IQCM: variants seen among roughly 807,000 people sequenced by gnomAD.
IQCM encodes the protein IQ domain-containing protein M.
IQCM carries 45 observed loss-of-function variants against 57.6 expected under a neutral mutation model. The observed-to-expected ratio is 0.78, with a 90% CI of 0.62 to 1.00. The LOEUF (loss-of-function observed/expected upper bound fraction) is 1.00, where lower values mean the gene tolerates loss of function less well. Among genes scored for constraint, IQCM ranks in the 50% least tolerant of loss-of-function variants. The pLI is 0.00. For synonymous variants in IQCM, 148 were observed against 158.9 expected (o/e 0.93, Z 0.51); for missense variants, 468 against 511.6 (o/e 0.91, Z 0.82).
intron 2 of IQCM, among the ~76,000 whole-genome samples, chr4:149,749,138 A>G (rs1487490191): frequency 2.6e-5 from 4 of 152,228 alleles, no homozygotes; most frequent in African/African-American, 9.6e-5. Context: ...GGTAGTCTTC[A>G]GGAAACCATT....
At chr4:149,704,114 T>C (rs1763978138) in intron 5 of IQCM, among the ~76,000 whole-genome samples, 1 of 151,980 alleles carries the variant, frequency 6.6e-6, no homozygotes, top group Non-Finnish European at 1.5e-5. Flanking sequence ...TAATTTATCT[T>C]ATTGCTTGTC....
chr4:149,795,787 C>T (rs922243477), intron 2 of IQCM, among the ~76,000 whole-genome samples: 1 of 152,140 alleles, frequency 6.6e-6, no homozygotes, highest in East Asian at 1.9e-4. Flanking sequence ...CTTTCCAAGC[C>T]CTAGCTCCTG....
At chr4:149,384,922 A>T (rs1731315291) in intron 13 of IQCM, among the ~76,000 whole-genome samples, 1 of 152,094 alleles carries the variant, frequency 6.6e-6, no homozygotes, top group African/African-American at 2.4e-5. Context: ...TGTGTTTGTA[A>T]TTCAGCTATT....
At chr4:149,389,843 A>G (rs577995629) in intron 13 of IQCM, among the ~76,000 whole-genome samples, 26 of 152,112 alleles carry the variant, frequency 1.7e-4, no homozygotes, top group Middle Eastern at 3.4e-3. Flanking sequence ...GTACCCTAAA[A>G]CTTAAAGTAT....
intron 12 of IQCM, among the ~76,000 whole-genome samples, chr4:149,497,259 G>A (rs1283785610): frequency 2.6e-5 from 4 of 152,028 alleles, no homozygotes; most frequent in South Asian, 4.1e-4. Context: ...GGTCTCTCAG[G>A]ACAAATAATA....
chr4:149,360,893 G>A (rs539498322), intron 13 of IQCM, among the ~76,000 whole-genome samples: 5 of 152,306 alleles, frequency 3.3e-5, no homozygotes, highest in South Asian at 2.1e-4. Flanking sequence ...TGTGTAACAC[G>A]CAGAAGTTGG....
At chr4:149,425,507 C>G (rs540186465) in intron 13 of IQCM, among the ~76,000 whole-genome samples, 1 of 152,102 alleles carries the variant, frequency 6.6e-6, no homozygotes, top group South Asian at 2.1e-4. Context: ...GTCCAAGAAC[C>G]AGGAGCACTG....
intron 12 of IQCM, among the ~76,000 whole-genome samples, chr4:149,490,469 T>C (rs1741979897): frequency 6.6e-6 from 1 of 152,062 alleles, no homozygotes; most frequent in Non-Finnish European, 1.5e-5. Context: ...ATTTCTAAGA[T>C]AGAACTTCCT....
chr4:149,603,984 G>A (rs966060216), intron 8 of IQCM, among the ~76,000 whole-genome samples: 1 of 151,842 alleles, frequency 6.6e-6, no homozygotes, highest in African/African-American at 2.4e-5. Flanking sequence ...GTTATTATTA[G>A]TACTACTGCT....
Position 149,354,090 on chromosome 4 carries a change from C to T in IQCM, c.1391-2024G>A, listed in dbSNP as rs1019558753. The stretch of plus-strand genomic sequence containing the variant: ...TTTTAAAACTGACAAATTGGCCAGG[C>T]GCGGTGGCTCACGCCTGTAATCCCA... On this transcript the variant is annotated intron_variant, in intron 13 of 13. Coordinates refer to ENST00000636793, the MANE Select transcript of IQCM (RefSeq NM_001363507.2). Among the ~76,000 whole-genome samples the T allele has an allele frequency of 4.0e-5, 6 of 151,858 alleles. No individual in the cohort carries two copies. In the East Asian group the frequency reaches 5.8e-4, roughly 15 times the overall value.
chr4:149,500,741 G>T (rs1743154612), intron 12 of IQCM, among the ~76,000 whole-genome samples: 1 of 152,104 alleles, frequency 6.6e-6, no homozygotes, highest in Non-Finnish European at 1.5e-5. Context: ...TCCACCTAGG[G>T]TCAGTAAGAA....
intron 13 of IQCM, among the ~76,000 whole-genome samples, chr4:149,376,578 A>C (rs551933384): frequency 6.6e-6 from 1 of 152,294 alleles, no homozygotes; most frequent in South Asian, 2.1e-4. Context: ...GACAATGTGC[A>C]GTGACAGATG....
At chr4:149,654,449 C>T (rs906559958) in intron 7 of IQCM, among the ~76,000 whole-genome samples, 2 of 152,138 alleles carry the variant, frequency 1.3e-5, no homozygotes, top group Non-Finnish European at 2.9e-5. Flanking sequence ...CCCCACCACT[C>T]TCTGTTGCCC....
chr4:149,540,927 G>C (rs1747789639), intron 12 of IQCM, among the ~76,000 whole-genome samples: 1 of 151,976 alleles, frequency 6.6e-6, no homozygotes, highest in Non-Finnish European at 1.5e-5. Flanking sequence ...TTAAAATAAG[G>C]CTACTCTAAC....
At chr4:149,516,701 C>T (rs530509758) in intron 12 of IQCM, among the ~76,000 whole-genome samples, 1 of 152,146 alleles carries the variant, frequency 6.6e-6, no homozygotes, top group Non-Finnish European at 1.5e-5. Flanking sequence ...TCACCATCAC[C>T]CCTAGTGATT....
chr4:149,405,615 A>G (rs1732921295), intron 13 of IQCM, among the ~76,000 whole-genome samples: 1 of 151,916 alleles, frequency 6.6e-6, no homozygotes, highest in Non-Finnish European at 1.5e-5. Flanking sequence ...GGGATAGAAA[A>G]TAAAATTTGA....
intron 10 of IQCM, among the ~76,000 whole-genome samples, chr4:149,554,352 T>G (rs1749331652): frequency 6.6e-6 from 1 of 152,158 alleles, no homozygotes; most frequent in Non-Finnish European, 1.5e-5. Context: ...CATCCTTTTT[T>G]TTTTTCTTGA....
chr4:149,547,096 G>A (rs1416118856), intron 12 of IQCM, among the ~76,000 whole-genome samples: 6 of 151,676 alleles, frequency 4.0e-5, no homozygotes, highest in Non-Finnish European at 5.9e-5. Context: ...CCCATTTCTT[G>A]TTTTTGTCAG....
At chr4:149,800,610 GA>G (rs1773516215) in intron 2 of IQCM, among the ~76,000 whole-genome samples, 1 of 151,774 alleles carries the variant, frequency 6.6e-6, no homozygotes, top group African/African-American at 2.4e-5. Flanking sequence ...AGACTCCACT[GA>G]AAAACTATTC....
Sources: allele counts gnomAD v4.1 joint callset (sites outside exome capture counted in the v4.1 genomes callset), GRCh38; gene constraint gnomAD v4.1.1; transcripts MANE v1.5; gene names NCBI Gene and HGNC (gene_info 2026-07-23, HGNC 2026-07-21).